CFAP299: variants seen among roughly 807,000 people sequenced by gnomAD.
CFAP299 encodes cilia and flagella associated protein 299, also known as cilia- and flagella-associated protein 299.
A neutral mutation model predicts 27.0 loss-of-function variants in CFAP299; 21 were observed. The ratio of observed to expected loss-of-function variants is 0.78; its 90% CI spans 0.55 to 1.12. The LOEUF (loss-of-function observed/expected upper bound fraction) is 1.12. Ranked by LOEUF, CFAP299 falls within the 50% of genes most tolerant of loss-of-function variation. The probability of loss-of-function intolerance (pLI) is 0.00; values close to 1 mark genes in which losing one functional copy is unlikely to be tolerated. For missense variants in CFAP299, 310 were observed against 276.6 expected (o/e 1.12, Z -0.86); for synonymous variants, 104 against 98.1 (o/e 1.06, Z -0.36).
At chr4:80,755,668 C>G (rs779438161) in intron 3 of CFAP299, among the ~76,000 whole-genome samples, 1 of 152,066 alleles carries the variant, frequency 6.6e-6, no homozygotes, top group Non-Finnish European at 1.5e-5. Context: ...CTCAAATGTT[C>G]CCTTTTCTAA....
chr4:80,352,847 T>A (rs1174685957), intron 1 of CFAP299, among the ~76,000 whole-genome samples: 1 of 151,738 alleles, frequency 6.6e-6, no homozygotes, highest in East Asian at 1.9e-4. Flanking sequence ...AAAGAAAAAT[T>A]AGAAAAAAAT....
At chr4:80,954,440 A>G (rs1737947073) in intron 5 of CFAP299, among the ~76,000 whole-genome samples, 1 of 152,190 alleles carries the variant, frequency 6.6e-6, no homozygotes, top group South Asian at 2.1e-4. Flanking sequence ...AGTGACCAAG[A>G]CCATTAGTAA....
chr4:80,843,494 G>C (rs965245595), intron 3 of CFAP299, among the ~76,000 whole-genome samples: 15 of 152,066 alleles, frequency 9.9e-5, no homozygotes, highest in Non-Finnish European at 1.5e-5. Context: ...GGACATTTAG[G>C]TTGGTTCCAA....
At chr4:80,501,660 A>T (rs1015593596) in intron 2 of CFAP299, among the ~76,000 whole-genome samples, 4 of 151,402 alleles carry the variant, frequency 2.6e-5, no homozygotes, top group South Asian at 2.1e-4. Flanking sequence ...AGCTTCTAAG[A>T]ATTTGCTCAA....
At chr4:80,645,368 CT>C (rs57340333) in intron 3 of CFAP299, among the ~76,000 whole-genome samples, 2 of 151,828 alleles carry the variant, frequency 1.3e-5, no homozygotes, top group Admixed American at 6.6e-5. Flanking sequence ...TTAGTTTTTT[CT>C]TTTTTAAATG....
intron 2 of CFAP299, among the ~76,000 whole-genome samples, chr4:80,579,176 A>G (rs1207838971): frequency 1.3e-5 from 2 of 152,192 alleles, no homozygotes; most frequent in Non-Finnish European, 2.9e-5. Flanking sequence ...TTGTTTCTCC[A>G]TAATAGTGGC....
intron 2 of CFAP299, among the ~76,000 whole-genome samples, chr4:80,374,692 A>G (rs1289980504): frequency 6.6e-6 from 1 of 152,044 alleles, no homozygotes; most frequent in African/African-American, 2.4e-5. Context: ...ATTCACTGTG[A>G]CTGTCAAATC....
intron 3 of CFAP299, among the ~76,000 whole-genome samples, chr4:80,857,011 C>T (rs778265615): frequency 1.9e-3 from 289 of 152,000 alleles, no homozygotes; most frequent in Non-Finnish European, 3.1e-3. Flanking sequence ...GCCATTTTCA[C>T]GATATTGATT....
chr4:80,354,689 T>C lies in CFAP299; in HGVS notation c.112-8065T>C, dbSNP rs141262814. On this transcript the variant is annotated intron_variant, in intron 1 of 5. Transcript: ENST00000358105. ...CCTTCTCCCATCCTCCTCCCTCTGATAGCTGCCAGTGTGTGTTTTTTCCCT... is the reference window on the plus strand; with the variant it reads ...CCTTCTCCCATCCTCCTCCCTCTGACAGCTGCCAGTGTGTGTTTTTTCCCT... 3.1e-3 allele frequency among the ~76,000 whole-genome samples: 466 copies of C among 152,230 alleles called. 3 individuals carry two copies. Among genetic ancestry groups the C allele is most frequent in the African/African-American group, 9.4e-3 (392 of 41,558 alleles).
At chr4:80,475,720 T>C (rs1730241465) in intron 2 of CFAP299, among the ~76,000 whole-genome samples, 1 of 152,128 alleles carries the variant, frequency 6.6e-6, no homozygotes, top group Non-Finnish European at 1.5e-5. Context: ...AGGGTTAGAG[T>C]TGTACGTTCA....
intron 3 of CFAP299, among the ~76,000 whole-genome samples, chr4:80,855,162 T>C (rs1260552239): frequency 6.6e-6 from 1 of 152,052 alleles, no homozygotes; most frequent in African/African-American, 2.4e-5. Flanking sequence ...ATATTTGTTT[T>C]AGAAATTTAG....
intron 3 of CFAP299, among the ~76,000 whole-genome samples, chr4:80,741,133 C>T (rs1436906619): frequency 6.6e-6 from 1 of 152,182 alleles, no homozygotes; most frequent in East Asian, 1.9e-4. Flanking sequence ...GCAGCCACCA[C>T]AGTTTTGAAT....
At chr4:80,700,529 C>T (rs947522087) in intron 3 of CFAP299, among the ~76,000 whole-genome samples, 3 of 151,990 alleles carry the variant, frequency 2.0e-5, no homozygotes, top group African/African-American at 4.8e-5. Flanking sequence ...GAGGGCCACT[C>T]GTGTATCTAA....
At chr4:80,354,092 A>G (rs1006545464) in intron 1 of CFAP299, among the ~76,000 whole-genome samples, 7 of 152,224 alleles carry the variant, frequency 4.6e-5, no homozygotes, top group Non-Finnish European at 8.8e-5. Context: ...TTAGTAATAA[A>G]TGAGCAAAGG....
chr4:80,856,352 T>A (rs1025919661), intron 3 of CFAP299, among the ~76,000 whole-genome samples: 1 of 149,894 alleles, frequency 6.7e-6, no homozygotes, highest in African/African-American at 2.5e-5. Flanking sequence ...ATTTTGTGGG[T>A]TGCCTGTTCA....
At chr4:80,471,425 C>T (rs1729986158) in intron 2 of CFAP299, among the ~76,000 whole-genome samples, 1 of 151,560 alleles carries the variant, frequency 6.6e-6, no homozygotes, top group Admixed American at 6.6e-5. Context: ...TAAAATAGTA[C>T]TGCTACACCA....
At chr4:80,513,690 A>T (rs1732432462) in intron 2 of CFAP299, among the ~76,000 whole-genome samples, 1 of 152,174 alleles carries the variant, frequency 6.6e-6, no homozygotes, top group Non-Finnish European at 1.5e-5. Flanking sequence ...TAAATGAGTG[A>T]ATGTGTAATG....
At chr4:80,850,390 AG>A (rs1333920342) in intron 3 of CFAP299, among the ~76,000 whole-genome samples, 1 of 152,078 alleles carries the variant, frequency 6.6e-6, no homozygotes, top group Non-Finnish European at 1.5e-5. Context: ...TAAGAGTTAA[AG>A]AAGGTTCATT....
intron 1 of CFAP299, among the ~76,000 whole-genome samples, chr4:80,362,449 C>T (rs1723595698): frequency 6.6e-6 from 1 of 151,518 alleles, no homozygotes. Flanking sequence ...CAGCTGTTCT[C>T]ATAAATTGAT....
Sources: allele counts gnomAD v4.1 joint callset (sites outside exome capture counted in the v4.1 genomes callset), GRCh38; gene constraint gnomAD v4.1.1; transcripts MANE v1.5; gene names NCBI Gene and HGNC (gene_info 2026-07-23, HGNC 2026-07-21).